The following NTAQ1 variants were observed in gnomAD, a reference collection of about 807,000 sequenced individuals.
NTAQ1 encodes the protein protein N-terminal glutamine amidohydrolase.
A neutral mutation model predicts 28.2 loss-of-function variants in NTAQ1; 21 were observed. That is an observed-to-expected ratio of 0.74 (90% CI 0.53 to 1.07). The LOEUF is 1.07. Ranked by LOEUF, NTAQ1 falls within the 50% of genes least tolerant of loss-of-function variation. NTAQ1 has a pLI of 0.00. For synonymous variants in NTAQ1, 105 were observed against 90.0 expected, an observed-to-expected ratio of 1.17 and a Z score of -0.94; for missense variants, 264 against 256.6, an observed-to-expected ratio of 1.03 and a Z score of -0.20.
chr8:123,420,464 T>A (rs1400116715), intron 1 of NTAQ1, among the ~76,000 whole-genome samples: 1 of 152,190 alleles, frequency 6.6e-6, no homozygotes, highest in African/African-American at 2.4e-5. Flanking sequence ...ATCATAGTTC[T>A]GTTTCAAGTT....
downstream of NTAQ1, among the ~76,000 whole-genome samples, chr8:123,451,233 G>T (rs971226087): frequency 2.0e-5 from 3 of 152,240 alleles, no homozygotes; most frequent in East Asian, 5.8e-4. Context: ...CCCTGGTGAC[G>T]TATCTAGAGC....
At chr8:123,420,955 T>A (rs199852412) in intron 1 of NTAQ1, among the ~76,000 whole-genome samples, 1 of 151,440 alleles carries the variant, frequency 6.6e-6, no homozygotes, top group Non-Finnish European at 1.5e-5. Context: ...CCCAGCTAAT[T>A]TGTGTATTTT....
intron 4 of NTAQ1, among the ~76,000 whole-genome samples, chr8:123,437,008 TG>T (rs1342550145): frequency 1.3e-4 from 20 of 152,202 alleles, no homozygotes; most frequent in African/African-American, 4.6e-4. Context: ...TATATTTTTG[TG>T]CCTTTGCCTT....
chr8:123,437,389 C>T lies in NTAQ1; in HGVS notation c.508+55C>T. On this transcript the variant is annotated intron_variant, in intron 5 of 5. Transcript: ENST00000287387. Reference sequence around the variant, plus strand: ...TTCTGATTGATCACATACACATCAGCATTTTTCCTTAACGGAGGACAAAAG... The same window carrying T: ...TTCTGATTGATCACATACACATCAGTATTTTTCCTTAACGGAGGACAAAAG... The T allele has an allele frequency of 1.9e-6, 3 of 1,595,894 alleles. No homozygotes were observed. The Admixed American group carries it at 5.3e-5, about 28-fold the overall frequency.
intron 3 of NTAQ1, among the ~76,000 whole-genome samples, chr8:123,432,163 C>G (rs1395857558): frequency 6.6e-6 from 1 of 152,202 alleles, no homozygotes; most frequent in Non-Finnish European, 1.5e-5. Flanking sequence ...AATTCGAGAA[C>G]ACTAAATCCT....
intron 1 of NTAQ1, among the ~76,000 whole-genome samples, chr8:123,421,843 CA>C (rs1813713533): frequency 8.5e-6 from 1 of 117,782 alleles, no homozygotes; most frequent in South Asian, 2.8e-4. Flanking sequence ...TGTCCACCAC[CA>C]CACCCGGCTA....
intron 6 of NTAQ1, among the ~76,000 whole-genome samples, chr8:123,459,952 C>T (rs1006708660): frequency 6.6e-6 from 1 of 152,044 alleles, no homozygotes; most frequent in Non-Finnish European, 1.5e-5. Flanking sequence ...AGGAATGCGC[C>T]ACCATGCCTG....
At chr8:123,470,525 T>C (rs1816030954), downstream of NTAQ1, among the ~76,000 whole-genome samples, 1 of 152,218 alleles carries the variant, frequency 6.6e-6, no homozygotes. Context: ...AATAACCAGG[T>C]AGGTGCTTAA....
At chr8:123,435,735 C>T (rs182627357) in intron 3 of NTAQ1, among the ~76,000 whole-genome samples, 11 of 151,882 alleles carry the variant, frequency 7.2e-5, no homozygotes, top group African/African-American at 1.7e-4. Flanking sequence ...GGCGTGGTGG[C>T]GGGTGTCTGT....
chr8:123,463,832 G>GT, intron 6 of NTAQ1, among the ~76,000 whole-genome samples: 2 of 152,260 alleles, frequency 1.3e-5, no homozygotes, highest in Middle Eastern at 3.4e-3. Flanking sequence ...ATATTTGGTT[G>GT]TGTCCCCACC....
rs557094255 is a variant in NTAQ1, at chr8:123,420,825, C to T, written c.83+3893C>T. ...TATTTATTTAAGACGGATTCTTACT[C>T]TGTCACCAGGCTGGAGTGCAGTGGT... On this transcript the variant is annotated intron_variant, in intron 1 of 5. Transcript: ENST00000287387. 1.1e-3 allele frequency among the ~76,000 whole-genome samples: 172 copies of T among 152,084 alleles called. 1 individual carries two copies. The highest frequency in any genetic ancestry group is 2.2e-3 in the Non-Finnish European group (150 of 67,970).
intron 1 of NTAQ1, among the ~76,000 whole-genome samples, chr8:123,417,646 C>T (rs192717770): frequency 2.0e-5 from 3 of 152,196 alleles, no homozygotes; most frequent in Non-Finnish European, 4.4e-5. Flanking sequence ...TGGCTTCTTC[C>T]CCAGCTTCTA....
rs117000611 is a variant in NTAQ1 at position 123,432,237 on chromosome 8, T to G, written c.234+2204T>G. Among the ~76,000 whole-genome samples, 345 of 152,350 alleles carry G rather than the reference T, an allele frequency of 2.3e-3. 12 individuals carry two copies. The East Asian group carries it at 0.057, about 25-fold the overall frequency. On this transcript the variant is annotated intron_variant, in intron 3 of 5. Coordinates refer to ENST00000287387, the MANE Select transcript of NTAQ1 (RefSeq NM_018024.3). ...TGTTAACGCAGTCTCTGGATAATTC[T>G]AATGTGTAGCCAGACTACATATTGC...
chr8:123,420,398 A>G (rs1267758898), intron 1 of NTAQ1, among the ~76,000 whole-genome samples: 1 of 152,132 alleles, frequency 6.6e-6, no homozygotes, highest in African/African-American at 2.4e-5. Context: ...ATGTGTCTTA[A>G]TAGTAGGATT....
downstream of NTAQ1, among the ~76,000 whole-genome samples, chr8:123,474,236 C>T (rs779104315): frequency 1.3e-5 from 2 of 152,132 alleles, no homozygotes; most frequent in Non-Finnish European, 2.9e-5. Flanking sequence ...AGGATCCAAA[C>T]CTTGATCTCC....
chr8:123,458,238 C>CTTT (rs35769081), intron 6 of NTAQ1, among the ~76,000 whole-genome samples: 2 of 144,378 alleles, frequency 1.4e-5, no homozygotes, highest in Non-Finnish European at 1.5e-5. Context: ...GCCTGGCTAA[C>CTTT]TTTTTTTTTT....
At chr8:123,445,798 G>A (rs1489430752), downstream of NTAQ1, among the ~76,000 whole-genome samples, 1 of 151,586 alleles carries the variant, frequency 6.6e-6, no homozygotes, top group African/African-American at 2.4e-5. Context: ...TAGAGACAGG[G>A]TTTCACCATG....
chr8:123,418,454 A>C (rs531637105), intron 1 of NTAQ1, among the ~76,000 whole-genome samples: 6 of 151,856 alleles, frequency 4.0e-5, no homozygotes, highest in African/African-American at 1.5e-4. Context: ...TCTCAAAAAA[A>C]AAAAAAAAAT....
At chr8:123,470,943 C>A (rs1225442501), downstream of NTAQ1, among the ~76,000 whole-genome samples, 8 of 149,358 alleles carry the variant, frequency 5.4e-5, 2 homozygotes, top group African/African-American at 2.0e-4. Context: ...TTTTTTGAGA[C>A]AGGATAGCAC....
Sources: allele counts gnomAD v4.1 joint callset (sites outside exome capture counted in the v4.1 genomes callset), GRCh38; gene constraint gnomAD v4.1.1; transcripts MANE v1.5; gene names NCBI Gene and HGNC (gene_info 2026-07-23, HGNC 2026-07-21).